Variants in FYCO1 observed in about 807,000 individuals in gnomAD.
FYCO1 encodes FYVE and coiled-coil domain autophagy adaptor 1.
A neutral mutation model predicts 165.1 loss-of-function variants in FYCO1; 122 were observed. The observed-to-expected ratio is 0.74, with a 90% CI of 0.64 to 0.86. FYCO1 has a LOEUF of 0.86. Ranked by LOEUF, FYCO1 falls within the 40% of genes least tolerant of loss-of-function variation. The pLI, the probability that FYCO1 is intolerant of heterozygous loss-of-function variation, is 0.00. For synonymous variants in FYCO1, 648 were observed against 742.5 expected (o/e 0.87, Z 2.07); for missense variants, 1,702 against 1,810.3 (o/e 0.94, Z 1.09).
chr3:45,989,168 G>A (rs1194503105), intron 1 of FYCO1, among the ~76,000 whole-genome samples: 1 of 152,156 alleles, frequency 6.6e-6, no homozygotes, highest in African/African-American at 2.4e-5. Context: ...CTGACCCAGA[G>A]AGGACACCTT....
In FYCO1 at chr3:45,959,380, G is replaced by C; in HGVS notation, c.3587+13C>G. ...CCAGGGTGTTGGTGCCAACCCACGA[G>C]CTCCCTGCTGACCTGCAGTGGTGCC... On this transcript the variant is annotated intron_variant, in intron 12 of 17. Transcript: ENST00000296137. 6.2e-7 allele frequency: 1 copy of C among 1,613,762 alleles called. No individual in the cohort carries two copies. Among genetic ancestry groups the C allele is most frequent in the Non-Finnish European group, 8.5e-7 (1 of 1,179,992 alleles).
rs1463999580 is a variant in FYCO1, at chr3:45,921,541, A to G, written c.*224T>C. 1.8e-6 allele frequency: 1 copy of G among 548,918 alleles called. No individual in the cohort carries two copies. Among genetic ancestry groups the G allele is most frequent in the East Asian group, 3.2e-5 (1 of 30,810 alleles). The allele number at this position is 548,918 out of a possible 1,614,324, so 34.0% of individuals were successfully genotyped here. ...TGGGTGTGACAACAGCTGAGTCTCT[A>G]CTTAATGGAAACATTGCCTGAGCCC... is the stretch of plus-strand genomic sequence containing the variant. On this transcript the variant is annotated 3_prime_UTR_variant, in exon 18 of 18. Coordinates refer to ENST00000296137, the MANE Select transcript of FYCO1 (RefSeq NM_024513.4).
intron 1 of FYCO1, among the ~76,000 whole-genome samples, chr3:45,988,476 A>G (rs1436036259): frequency 6.6e-6 from 1 of 152,110 alleles, no homozygotes; most frequent in Non-Finnish European, 1.5e-5. Flanking sequence ...AACTCAGGAG[A>G]CACTCAAAGC....
intron 11 of FYCO1, among the ~76,000 whole-genome samples, chr3:45,959,829 C>T (rs936320169): frequency 2.0e-5 from 3 of 152,190 alleles, no homozygotes; most frequent in Admixed American, 6.5e-5. Flanking sequence ...ACCACTCAGG[C>T]ACCTAAACAA....
chr3:45,933,703 G>A (rs538452405), intron 15 of FYCO1, among the ~76,000 whole-genome samples: 8 of 152,048 alleles, frequency 5.3e-5, no homozygotes, highest in African/African-American at 1.9e-4. Context: ...ACAGCTTAGC[G>A]TCTCTGAGCC....
Position 45,973,126 on chromosome 3 carries a change from C to G in FYCO1, c.501G>C (p.Arg167Ser). 1 of 1,614,222 alleles carries G rather than the reference C, an allele frequency of 6.2e-7. No homozygotes were observed. Residue 167 changes from arginine to serine, a missense_variant, in exon 6 of 18, where the codon AGG (arginine) becomes AGC (serine). Arg to Ser is a moderately radical substitution (Grantham distance 110). Transcript: ENST00000296137. Reference protein sequence around the residue: ...LTEVQFDLASRGFDLDAAWPT... With the variant: ...LTEVQFDLASSGFDLDAAWPT... The stretch of plus-strand genomic sequence containing the variant: ...GCCAGGCAGCATCCAAGTCAAAGCC[C>G]CTCGACGCCAGGTCAAACTGAACCT...
In FYCO1 at chr3:45,947,969, C is replaced by A. The variant is rs56287545; in HGVS notation, c.3944+7280G>T. ...GAAAACAAGTGCTGGCACCACCAGG[C>A]ACCTCACAGAAATGAGATCAGGCTC... On this transcript the variant is annotated intron_variant, in intron 14 of 17. Transcript: ENST00000296137. 1,491 of 174,778 alleles carry A rather than the reference C, an allele frequency of 8.5e-3. 9 individuals carry two copies. Among genetic ancestry groups the A allele is most frequent in the Admixed American group, 0.012 (205 of 16,902 alleles). 10.8% of individuals were successfully genotyped at this position (174,778 alleles called of 1,614,324 possible).
chr3:45,947,319 A>C (rs763494903), intron 14 of FYCO1: 5 of 1,614,208 alleles, frequency 3.1e-6, no homozygotes, highest in Non-Finnish European at 4.2e-6. Context: ...CGCATACCTG[A>C]GGGCCTGCCT....
At chr3:45,975,382 C>T in intron 4 of FYCO1, 37 bp from the exon 5 acceptor site, 1 of 1,487,982 alleles carries the variant, frequency 6.7e-7, no homozygotes, top group Non-Finnish European at 9.4e-7. Context: ...AAAGAGCTGT[C>T]AGCCTAACTC....
chr3:45,976,188 C>G (rs1706748575), intron 4 of FYCO1, among the ~76,000 whole-genome samples: 1 of 152,130 alleles, frequency 6.6e-6, no homozygotes, highest in Non-Finnish European at 1.5e-5. Flanking sequence ...TCTTCAAAAC[C>G]TCTCCCCACA....
At chr3:45,985,912 A>G (rs1028224542) in intron 1 of FYCO1, among the ~76,000 whole-genome samples, 1 of 152,232 alleles carries the variant, frequency 6.6e-6, no homozygotes, top group African/African-American at 2.4e-5. Flanking sequence ...TATCCAGTGC[A>G]AGGTTGTAAT....
At chr3:45,975,201 C>T (rs369490186) in intron 5 of FYCO1, 38 bp downstream of exon 5, 49 of 1,363,226 alleles carry the variant, frequency 3.6e-5, no homozygotes, top group African/African-American at 5.7e-5. Flanking sequence ...CATTTCTGCA[C>T]GGGATGATCC....
Position 45,966,573 on chromosome 3 carries a change from G to C in FYCO1, c.2761C>G (p.Arg921Gly). 6.2e-7 allele frequency: 1 copy of C among 1,614,184 alleles called. No individual in the cohort carries two copies. The highest frequency in any genetic ancestry group is 8.5e-7 in the Non-Finnish European group (1 of 1,180,042). The change falls in exon 8 of 18, where the codon CGA becomes GGA. Residue 921 changes from arginine (R) to glycine (G), a missense_variant. By Grantham distance (125) the Arg-to-Gly change is moderately radical. Transcript: ENST00000296137. ...QVCALTVEKE[R>G]VEEALACAVQ... ...GCACAGGCCAGTGCCTCCTCCACTCGCTCCTTTTCCACGGTCAGTGCGCAA... is the reference window on the plus strand; with the variant it reads ...GCACAGGCCAGTGCCTCCTCCACTCCCTCCTTTTCCACGGTCAGTGCGCAA...
chr3:45,961,493 G>A (rs751692875), intron 11 of FYCO1, among the ~76,000 whole-genome samples: 18 of 151,852 alleles, frequency 1.2e-4, no homozygotes, highest in Admixed American at 2.6e-4. Context: ...CACAAGAATC[G>A]CTTGAATGCA....
chr3:45,942,397 T>A (rs913976663), intron 14 of FYCO1, among the ~76,000 whole-genome samples: 3 of 152,340 alleles, frequency 2.0e-5, no homozygotes, highest in Non-Finnish European at 2.9e-5. Context: ...AGGCTGCTCC[T>A]GGTCCCTGCT....
chr3:45,936,408 G>A lies in FYCO1; in HGVS notation c.4040+40C>T, dbSNP rs763683129. ...TGGAGAGGCCAGTGCTCCTCCCAAT[G>A]CCACACCTGGGGAGGGCCCAGGCAG... On this transcript the variant is annotated intron_variant, in intron 15 of 17. Coordinates refer to ENST00000296137, the MANE Select transcript of FYCO1 (RefSeq NM_024513.4). 11 of 1,456,154 alleles carry A rather than the reference G, an allele frequency of 7.6e-6. No homozygotes were observed. In the South Asian group the frequency reaches 7.9e-5, roughly 11 times the overall value. 90.2% of individuals were successfully genotyped at this position (1,456,154 alleles called of 1,614,324 possible).
intron 16 of FYCO1, 47 bp from the exon 17 acceptor site, chr3:45,923,812 G>A (rs1434854148): frequency 3.2e-6 from 4 of 1,251,010 alleles, no homozygotes; most frequent in Non-Finnish European, 4.7e-6. Context: ...GGCTGAGAGG[G>A]CCCTCGGCAT....
chr3:45,962,306 T>C lies in FYCO1; in HGVS notation c.3356A>G (p.Asn1119Ser), dbSNP rs1466930741. ...LCQEVTNRER[N>S]DQKMLADLDD... ...CAGGTCAGCAAGCATCTTCTGGTCATTCCTCTCACGATTTGTCACCTCCTG... is the reference window on the plus strand; with the variant it reads ...CAGGTCAGCAAGCATCTTCTGGTCACTCCTCTCACGATTTGTCACCTCCTG... Residue 1119 changes from asparagine to serine, a missense_variant, in exon 11 of 18, where the codon AAT becomes AGT. Transcript: ENST00000296137. This position sits in a 1 kb window ranked among gnomAD's most constrained non-coding sequence, Gnocchi z 4.4. 6.2e-7 allele frequency: 1 copy of C among 1,614,246 alleles called. No individual in the cohort carries two copies. Among genetic ancestry groups the C allele is most frequent in the African/African-American group, 1.3e-5 (1 of 75,084 alleles).
chr3:45,934,325 T>A (rs1273319434), intron 15 of FYCO1, among the ~76,000 whole-genome samples: 2 of 152,062 alleles, frequency 1.3e-5, no homozygotes, highest in African/African-American at 2.4e-5. Flanking sequence ...CCCAAAGAAA[T>A]TCATGCCAAG....
Sources: gnomAD v4.1 joint callset for allele counts (sites outside exome capture counted in the v4.1 genomes callset) on GRCh38, gnomAD v4.1.1 for gene constraint, Gnocchi (gnomAD v3.1) non-coding constraint, MANE v1.5 for transcripts, NCBI Gene and HGNC (gene_info 2026-07-23, HGNC 2026-07-21) for gene names.